Variants in CRISPLD2 observed in about 807,000 individuals in gnomAD.
CRISPLD2 encodes the protein cysteine-rich secretory protein LCCL domain-containing 2.
A neutral mutation model predicts 71.1 loss-of-function variants in CRISPLD2; 47 were observed. That is an observed-to-expected ratio of 0.66 (90% confidence interval 0.52 to 0.84). The LOEUF is 0.84. CRISPLD2 is among the 40% of genes least tolerant of loss of function. CRISPLD2 has a pLI of 0.00. For synonymous variants in CRISPLD2, 317 were observed against 250.1 expected, an observed-to-expected ratio of 1.27 and a Z score of -2.52; for missense variants, 830 against 651.1, an observed-to-expected ratio of 1.27 and a Z score of -2.99.
At chr16:84,887,649 T>G (rs1300229899) in intron 13 of CRISPLD2, among the ~76,000 whole-genome samples, 3 of 151,882 alleles carry the variant, frequency 2.0e-5, no homozygotes, top group Non-Finnish European at 4.4e-5. Context: ...GGCCGAGGCG[T>G]GTGGATCACC....
chr16:84,888,388 T>C (rs1341616493), intron 13 of CRISPLD2, among the ~76,000 whole-genome samples: 1 of 152,200 alleles, frequency 6.6e-6, no homozygotes, highest in Non-Finnish European at 1.5e-5. Context: ...TTTTAAAAAT[T>C]AGCCAGGTGT....
At chr16:84,826,187 G>A (rs963163158) in intron 1 of CRISPLD2, among the ~76,000 whole-genome samples, 2 of 152,218 alleles carry the variant, frequency 1.3e-5, no homozygotes, top group Non-Finnish European at 2.9e-5. Flanking sequence ...CTGTGTGGAC[G>A]GTTCTGGTTA....
At chr16:84,889,654 C>T (rs958849511) in intron 14 of CRISPLD2, among the ~76,000 whole-genome samples, 3 of 151,318 alleles carry the variant, frequency 2.0e-5, no homozygotes, top group African/African-American at 7.3e-5. Context: ...TCTGTAGGAA[C>T]ATCAGATAAG....
At chr16:84,831,032 C>G (rs945687544) in intron 1 of CRISPLD2, among the ~76,000 whole-genome samples, 2 of 152,156 alleles carry the variant, frequency 1.3e-5, no homozygotes, top group Non-Finnish European at 2.9e-5. Context: ...TACCATCCCA[C>G]CACTGTTCCG....
At chr16:84,849,269 T>TTG in intron 3 of CRISPLD2, 116 bp from the exon 4 acceptor site, 1 of 996,158 alleles carries the variant, frequency 1.0e-6, no homozygotes, top group African/African-American at 1.6e-5. Flanking sequence ...CTCCTGGAAT[T>TTG]GGCCGCTATT....
Position 84,906,811 on chromosome 16 carries a change from C to T in CRISPLD2, c.*169C>T, listed in dbSNP as rs2071807035. ...GGTGAGGTGACATCTCATCCCCTCA[C>T]TGAAGCAACAGCATCCCAAGGTGCT... is the stretch of plus-strand genomic sequence containing the variant. On this transcript the variant is annotated 3_prime_UTR_variant, in exon 15 of 15. Transcript: ENST00000262424. The T allele has an allele frequency of 2.6e-6, 2 of 782,622 alleles. No individual in the cohort carries two copies. Among genetic ancestry groups the T allele is most frequent in the South Asian group, 2.9e-5 (2 of 68,696 alleles). 48.5% of individuals were successfully genotyped at this position (782,622 alleles called of 1,614,324 possible).
intron 1 of CRISPLD2, among the ~76,000 whole-genome samples, chr16:84,824,126 G>C (rs1368163862): frequency 6.6e-6 from 1 of 152,136 alleles, no homozygotes; most frequent in East Asian, 1.9e-4. Flanking sequence ...TAGTGGGTGG[G>C]TGGGGAGCTG....
At chr16:84,900,570 G>A (rs2071744966) in intron 14 of CRISPLD2, among the ~76,000 whole-genome samples, 1 of 117,008 alleles carries the variant, frequency 8.5e-6, no homozygotes, top group Non-Finnish European at 1.7e-5. Context: ...GGGAGGCATC[G>A]CACAGCCCCG....
At chr16:84,895,046 T>C (rs1034848734) in intron 14 of CRISPLD2, among the ~76,000 whole-genome samples, 3 of 152,212 alleles carry the variant, frequency 2.0e-5, no homozygotes, top group African/African-American at 7.2e-5. Flanking sequence ...GAGGAGCTGC[T>C]GATAGCAGAC....
chr16:84,847,947 C>T (rs539424153), intron 3 of CRISPLD2, among the ~76,000 whole-genome samples: 1 of 152,182 alleles, frequency 6.6e-6, no homozygotes, highest in Non-Finnish European at 1.5e-5. Context: ...CCCGTTGGCT[C>T]TTGCAGATTC....
chr16:84,873,892 C>CA, intron 10 of CRISPLD2, 28 bp from the exon 11 acceptor site: 1 of 1,382,270 alleles, frequency 7.2e-7, no homozygotes, highest in Non-Finnish European at 9.8e-7. Flanking sequence ...ACCTAATGCC[C>CA]GTTTTTTTTT....
chr16:84,825,564 T>C (rs930223795), intron 1 of CRISPLD2, among the ~76,000 whole-genome samples: 8 of 152,114 alleles, frequency 5.3e-5, no homozygotes, highest in Non-Finnish European at 1.0e-4. Flanking sequence ...GAGACCAGCC[T>C]GGCTAACATG....
intron 14 of CRISPLD2, among the ~76,000 whole-genome samples, chr16:84,894,613 A>G (rs562078619): frequency 6.6e-6 from 1 of 152,326 alleles, no homozygotes; most frequent in East Asian, 1.9e-4. Flanking sequence ...GGGATTCTAA[A>G]GTTTCTAGAA....
At position 84,838,443 on chromosome 16, in the gene CRISPLD2, C is replaced by T; in HGVS notation, c.-53C>T. On this transcript the variant is annotated 5_prime_UTR_variant, in exon 2 of 15. Coordinates refer to ENST00000262424, the MANE Select transcript of CRISPLD2 (RefSeq NM_031476.4). ...TCAGAGCTCAAGCGCCCAGCTCTGC[C>T]CGAGGAGCCCAGGCTGCCCCGTGAG... 1.3e-6 allele frequency: 2 copies of T among 1,584,658 alleles called. No individual in the cohort carries two copies. Among genetic ancestry groups the T allele is most frequent in the Non-Finnish European group, 1.7e-6 (2 of 1,163,936 alleles).
At chr16:84,826,517 A>T (rs1916355905) in intron 1 of CRISPLD2, among the ~76,000 whole-genome samples, 1 of 152,142 alleles carries the variant, frequency 6.6e-6, no homozygotes, top group Non-Finnish European at 1.5e-5. Context: ...GGCATTGAAG[A>T]CACCTCTATG....
chr16:84,844,918 A>T (rs1272498291), intron 2 of CRISPLD2, among the ~76,000 whole-genome samples: 1 of 152,196 alleles, frequency 6.6e-6, no homozygotes, highest in Non-Finnish European at 1.5e-5. Context: ...ACATACCCAC[A>T]TTACAGATGA....
At chr16:84,891,728 G>A (rs902315371) in intron 14 of CRISPLD2, among the ~76,000 whole-genome samples, 1 of 152,226 alleles carries the variant, frequency 6.6e-6, no homozygotes. Context: ...GCTGGGGACA[G>A]GGACCTCATT....
At chr16:84,845,932 G>T in intron 3 of CRISPLD2, 28 bp downstream of exon 3, 1 of 1,467,866 alleles carries the variant, frequency 6.8e-7, no homozygotes, top group Non-Finnish European at 9.5e-7. Context: ...CTCTCCGGCT[G>T]CCGCAGGACC....
intron 6 of CRISPLD2, among the ~76,000 whole-genome samples, chr16:84,855,409 C>G (rs957122915): frequency 1.3e-5 from 2 of 152,164 alleles, no homozygotes; most frequent in Non-Finnish European, 2.9e-5. Context: ...CAACTTCAAG[C>G]CCGATGTTTG....
Sources: allele counts gnomAD v4.1 joint callset (sites outside exome capture counted in the v4.1 genomes callset), GRCh38; gene constraint gnomAD v4.1.1; transcripts MANE v1.5; gene names NCBI Gene and HGNC (gene_info 2026-07-23, HGNC 2026-07-21).